The following ENPP1 variants were observed in gnomAD, a reference collection of about 807,000 sequenced individuals.
ENPP1 encodes ectonucleotide pyrophosphatase/phosphodiesterase 1.
Under a neutral mutation model 122.8 loss-of-function variants are expected in ENPP1, and 73 were observed. That is an observed-to-expected ratio of 0.59 (90% CI 0.49 to 0.72). ENPP1 has a LOEUF of 0.72. Ranked by LOEUF, ENPP1 falls within the 30% of genes least tolerant of loss-of-function variation. The pLI is 0.00. For synonymous variants in ENPP1, 367 were observed against 391.6 expected, an observed-to-expected ratio of 0.94 and a Z score of 0.74; for missense variants, 978 against 1,128.1, an observed-to-expected ratio of 0.87 and a Z score of 1.91.
Position 131,860,499 on chromosome 6 carries a change from G to T in ENPP1, c.908G>T (p.Gly303Val). 6.3e-7 allele frequency: 1 copy of T among 1,591,788 alleles called. No homozygotes were observed. Among genetic ancestry groups the T allele is most frequent in the South Asian group, 1.1e-5 (1 of 90,444 alleles). ...AAATTTAATCCTGAGTGGTACAAAG[G>T]AGAACCAGTGAGTTCTTTGTTTTTC... is the stretch of plus-strand genomic sequence containing the variant. ...KEKFNPEWYK[G>V]EPIWVTAKYQ... The change falls in exon 8 of 25, where the codon GGA (glycine) becomes GTA (valine). Residue 303 changes from glycine to valine, a missense_variant. This residue lies in a region of ENPP1 where 644 missense variants were observed against 781.5 expected (regional missense o/e 0.82). Transcript: ENST00000647893.
chr6:131,828,225 T>A (rs1287461811), intron 1 of ENPP1: 6 of 562,308 alleles, frequency 1.1e-5, no homozygotes, highest in Non-Finnish European at 1.7e-5. Context: ...CATGGTGCAA[T>A]GATTGTCAAA....
rs56296959 is a variant in ENPP1 at position 131,879,291 on chromosome 6, G to A, written c.1946-589G>A. ...TGAGTAGATCCAAGTTTGAATATGA[G>A]CTTAGGTACTATATGTTCATGGAAA... On this transcript the variant is annotated intron_variant, in intron 19 of 24. Transcript: ENST00000647893. Among the ~76,000 whole-genome samples the A allele has an allele frequency of 6.8e-3, 1,040 of 152,228 alleles. 19 individuals carry two copies. Among genetic ancestry groups the A allele is most frequent in the African/African-American group, 0.023 (952 of 41,520 alleles).
In ENPP1 at chr6:131,866,235, TAAAAAA is replaced by T. The variant is rs959634672; in HGVS notation, c.1164+1300_1164+1305del. Among the ~76,000 whole-genome samples the T allele has an allele frequency of 3.3e-5, 5 of 151,858 alleles. No homozygotes were observed. In the South Asian group the frequency reaches 1.0e-3, roughly 32 times the overall value. ...GTGATTCCAAGGGGTCATAGACTAT[TAAAAAA>T]AACACTCTTTCTTAATTTTCTAGGG... On this transcript the variant is annotated intron_variant, in intron 11 of 24. Coordinates refer to ENST00000647893, the MANE Select transcript of ENPP1 (RefSeq NM_006208.3).
At chr6:131,885,549 A>G (rs1158928250) in intron 23 of ENPP1, among the ~76,000 whole-genome samples, 1 of 152,194 alleles carries the variant, frequency 6.6e-6, no homozygotes, top group Non-Finnish European at 1.5e-5. Flanking sequence ...AACCGTCTGA[A>G]GGAAACCATC....
intron 13 of ENPP1, among the ~76,000 whole-genome samples, chr6:131,871,007 C>T (rs1211651896): frequency 2.6e-5 from 4 of 151,796 alleles, no homozygotes; most frequent in Non-Finnish European, 5.9e-5. Flanking sequence ...ACCTGGGAGG[C>T]AGAGGTTGCA....
At chr6:131,875,344 G>A (rs1245649890) in intron 16 of ENPP1, among the ~76,000 whole-genome samples, 1 of 152,002 alleles carries the variant, frequency 6.6e-6, no homozygotes, top group Non-Finnish European at 1.5e-5. Flanking sequence ...AAGAAAACCA[G>A]TGCTATAATA....
intron 13 of ENPP1, among the ~76,000 whole-genome samples, chr6:131,871,398 C>A (rs188208406): frequency 6.6e-6 from 1 of 152,138 alleles, no homozygotes; most frequent in Non-Finnish European, 1.5e-5. Context: ...TACTTGCCTT[C>A]TCTTTGAAGT....
At chr6:131,870,407 T>C (rs555926864) in intron 13 of ENPP1, among the ~76,000 whole-genome samples, 2 of 152,352 alleles carry the variant, frequency 1.3e-5, no homozygotes, top group South Asian at 4.1e-4. Flanking sequence ...CAAGTGTATT[T>C]CATAACTGTT....
At chr6:131,866,007 A>AAGAGAG (rs1554203829) in intron 11 of ENPP1, among the ~76,000 whole-genome samples, 4 of 150,392 alleles carry the variant, frequency 2.7e-5, no homozygotes, top group African/African-American at 7.5e-5. Flanking sequence ...AAAAAAAAAA[A>AAGAGAG]AGAGAAAAAG....
chr6:131,822,189 A>G (rs560043914), intron 1 of ENPP1, among the ~76,000 whole-genome samples: 3 of 152,242 alleles, frequency 2.0e-5, no homozygotes, highest in African/African-American at 4.8e-5. Flanking sequence ...ATTGACATAT[A>G]TAAGTATTTA....
chr6:131,867,961 T>G, intron 11 of ENPP1, 57 bp from the exon 12 acceptor site: 1 of 1,067,022 alleles, frequency 9.4e-7, no homozygotes, highest in East Asian at 2.4e-5. Flanking sequence ...TAGCTTTATG[T>G]ATAAATAGCC....
At chr6:131,888,734 C>T (rs140461959) in intron 24 of ENPP1, among the ~76,000 whole-genome samples, 1 of 152,336 alleles carries the variant, frequency 6.6e-6, no homozygotes, top group African/African-American at 2.4e-5. Context: ...TCTGACTCCA[C>T]TGAAAGTTGT....
rs1408758304 is a variant in ENPP1 at position 131,876,989 on chromosome 6, C to A, written c.1724-3C>A. ...GTAACTCTACCATCTTGAAATTATGCAGATTTACTGAATTTGACACCGGCT... is the reference window on the plus strand; with the variant it reads ...GTAACTCTACCATCTTGAAATTATGAAGATTTACTGAATTTGACACCGGCT... On this transcript the variant is annotated splice_region_variant and splice_polypyrimidine_tract_variant and intron_variant, in intron 17 of 24. Coordinates refer to ENST00000647893, the MANE Select transcript of ENPP1 (RefSeq NM_006208.3). 1.9e-6 allele frequency: 3 copies of A among 1,612,992 alleles called. No individual in the cohort carries two copies. Among genetic ancestry groups the A allele is most frequent in the Non-Finnish European group, 2.5e-6 (3 of 1,179,030 alleles).
intron 14 of ENPP1, 120 bp from the exon 15 acceptor site, chr6:131,872,803 G>T: frequency 9.9e-7 from 1 of 1,008,698 alleles, no homozygotes. Context: ...AAGAAAAGTT[G>T]ACACTTTTTA....
intron 9 of ENPP1, among the ~76,000 whole-genome samples, chr6:131,863,723 C>G (rs1323677959): frequency 6.7e-6 from 1 of 148,198 alleles, no homozygotes; most frequent in Admixed American, 6.8e-5. Flanking sequence ...CTGGCTAACA[C>G]GGTGAAACCC....
In ENPP1 at chr6:131,893,514, T is replaced by C. The variant is rs905391892; in HGVS notation, c.*3003T>C. Reference sequence around the variant, plus strand: ...CTTCTAACATTCCTTGGATGGAACATTTTTGACATTTTCCCATTTACAGCT... The same window carrying C: ...CTTCTAACATTCCTTGGATGGAACACTTTTGACATTTTCCCATTTACAGCT... On this transcript the variant is annotated 3_prime_UTR_variant, in exon 25 of 25. Coordinates refer to ENST00000647893, the MANE Select transcript of ENPP1 (RefSeq NM_006208.3). 1 of 152,254 alleles carries C rather than the reference T, an allele frequency of 6.6e-6. No individual in the cohort carries two copies. Among genetic ancestry groups the C allele is most frequent in the Non-Finnish European group, 1.5e-5 (1 of 68,046 alleles). The allele number at this position is 152,254 out of a possible 1,614,324, so 9.4% of individuals were successfully genotyped here.
chr6:131,889,564 T>C (rs1252072968), intron 24 of ENPP1, among the ~76,000 whole-genome samples: 2 of 152,206 alleles, frequency 1.3e-5, no homozygotes, highest in Non-Finnish European at 2.9e-5. Context: ...GACATGATCT[T>C]TTATGGCTGC....
intron 21 of ENPP1, among the ~76,000 whole-genome samples, chr6:131,883,458 T>G (rs977626833): frequency 5.3e-5 from 8 of 152,238 alleles, no homozygotes; most frequent in Non-Finnish European, 1.2e-4. Flanking sequence ...GCTCTTGTTA[T>G]TAAAGTTTAT....
chr6:131,839,660 T>C (rs981812502), intron 1 of ENPP1, among the ~76,000 whole-genome samples: 8 of 152,176 alleles, frequency 5.3e-5, no homozygotes, highest in African/African-American at 1.7e-4. Context: ...CAAAATAACT[T>C]GTAAGCCCAT....
Sources: allele counts gnomAD v4.1 joint callset (sites outside exome capture counted in the v4.1 genomes callset), GRCh38; gene constraint gnomAD v4.1.1; regional missense constraint gnomAD v4.1.1; transcripts MANE v1.5; gene names NCBI Gene and HGNC (gene_info 2026-07-23, HGNC 2026-07-21).